ZFYVE9: variants seen among roughly 807,000 people sequenced by gnomAD.
The protein encoded by ZFYVE9 is zinc finger FYVE domain-containing protein 9.
Under a neutral mutation model 126.7 loss-of-function variants are expected in ZFYVE9, and 43 were observed. That is an observed-to-expected ratio of 0.34 (90% CI 0.27 to 0.44). The LOEUF is 0.44. ZFYVE9 is among the 20% of genes least tolerant of loss of function. ZFYVE9 has a pLI of 1.00. For synonymous variants in ZFYVE9, 521 were observed against 597.4 expected (o/e 0.87, Z 1.87); for missense variants, 1,476 against 1,697.0 (o/e 0.87, Z 2.29).
At chr1:52,295,374 T>C (rs1311679173) in intron 11 of ZFYVE9, among the ~76,000 whole-genome samples, 1 of 147,490 alleles carries the variant, frequency 6.8e-6, no homozygotes, top group Non-Finnish European at 1.5e-5. Flanking sequence ...GTTTGTTTGT[T>C]TTGGAGACAG....
intron 13 of ZFYVE9, among the ~76,000 whole-genome samples, chr1:52,318,504 T>C (rs1346676626): frequency 6.6e-6 from 1 of 151,872 alleles, no homozygotes; most frequent in Non-Finnish European, 1.5e-5. Flanking sequence ...GACTGAGTGC[T>C]TCCCCTTTAA....
intron 2 of ZFYVE9, 81 bp downstream of exon 2, chr1:52,216,555 A>G: frequency 2.5e-6 from 1 of 397,584 alleles, no homozygotes; most frequent in Non-Finnish European, 4.4e-6. Context: ...TGATGCATAT[A>G]TGTTACTTGC....
chr1:52,215,030 G>A (rs1403581912), intron 1 of ZFYVE9, among the ~76,000 whole-genome samples: 13 of 152,154 alleles, frequency 8.5e-5, no homozygotes, highest in Admixed American at 7.9e-4. Context: ...TATTTAATTT[G>A]AGTACCCCAT....
chr1:52,266,405 T>TA (rs33996604), intron 5 of ZFYVE9, among the ~76,000 whole-genome samples: 1,197 of 85,630 alleles, frequency 0.014, 15 homozygotes, highest in Non-Finnish European at 0.018. Context: ...TCTAATTCTT[T>TA]AAAAAAAAAA....
chr1:52,237,618 A>G lies in ZFYVE9; in HGVS notation c.201A>G (p.Pro67=). ...CTGCAGTTTCTAATGAGTCACAACC[A>G]CAACTGAAAGTCTTCTCCCTGGCTC... ...NESAVSNESQ[P]QLKVFSLAHS... Residue 67 remains proline (P), a synonymous_variant, in exon 4 of 19, where the codon CCA becomes CCG. Coordinates refer to ENST00000287727, the MANE Select transcript of ZFYVE9 (RefSeq NM_004799.4). 1 of 1,614,102 alleles carries G rather than the reference A, an allele frequency of 6.2e-7. No individual in the cohort carries two copies. Among genetic ancestry groups the G allele is most frequent in the Non-Finnish European group, 8.5e-7 (1 of 1,179,968 alleles).
At chr1:52,143,135 C>T (rs1644276966) in intron 1 of ZFYVE9, among the ~76,000 whole-genome samples, 1 of 152,146 alleles carries the variant, frequency 6.6e-6, no homozygotes, top group Non-Finnish European at 1.5e-5. Context: ...GGTCTGCCCC[C>T]CACACCCCGC....
At position 52,233,232 on chromosome 1, in the gene ZFYVE9, C is replaced by G; in HGVS notation, c.26C>G (p.Ala9Gly). Residue 9 changes from alanine to glycine, a missense_variant, in exon 3 of 19, where the codon GCT becomes GGT. Coordinates refer to ENST00000287727, the MANE Select transcript of ZFYVE9 (RefSeq NM_004799.4). MENYFQAE[A>G]YNLDKVLDEF... ...ATGGAGAATTACTTCCAAGCAGAAG[C>G]TTACAACCTGGACAAGGTGTTAGAT... is the stretch of plus-strand genomic sequence containing the variant. The G allele has an allele frequency of 6.3e-7, 1 of 1,584,106 alleles. No homozygotes were observed. The highest frequency in any genetic ancestry group is 8.6e-7 in the Non-Finnish European group (1 of 1,162,648).
intron 1 of ZFYVE9, among the ~76,000 whole-genome samples, chr1:52,193,133 C>T (rs1273272596): frequency 6.6e-6 from 1 of 151,986 alleles, no homozygotes; most frequent in Non-Finnish European, 1.5e-5. Flanking sequence ...AGGCTGGACT[C>T]CAACTTCTGG....
chr1:52,232,728 CAAAAAAAAAAA>C (rs552213191), intron 2 of ZFYVE9, among the ~76,000 whole-genome samples: 25 of 27,344 alleles, frequency 9.1e-4, no homozygotes, highest in African/African-American at 1.9e-3. Context: ...GACTCTGTCT[CAAAAAAAAAAA>C]AAAAAAAAAA....
At chr1:52,283,733 G>GA (rs1380783490) in intron 10 of ZFYVE9, among the ~76,000 whole-genome samples, 2 of 152,190 alleles carry the variant, frequency 1.3e-5, no homozygotes, top group African/African-American at 4.8e-5. Flanking sequence ...ACTGACTACA[G>GA]AGAGTCCCAG....
intron 10 of ZFYVE9, among the ~76,000 whole-genome samples, chr1:52,292,046 A>G (rs1645925771): frequency 6.6e-6 from 1 of 152,132 alleles, no homozygotes; most frequent in South Asian, 2.1e-4. Context: ...TGGGAGGCCA[A>G]GGCAGATGGA....
chr1:52,204,992 T>G (rs1217983411), intron 1 of ZFYVE9, among the ~76,000 whole-genome samples: 1 of 152,122 alleles, frequency 6.6e-6, no homozygotes, highest in African/African-American at 2.4e-5. Context: ...TGTGGGTTTC[T>G]GCTTAGGTAA....
chr1:52,332,864 G>A lies in ZFYVE9; in HGVS notation c.3535G>A (p.Asp1179Asn). The A allele has an allele frequency of 1.2e-6, 2 of 1,614,168 alleles. No individual in the cohort carries two copies. Among genetic ancestry groups the A allele is most frequent in the Non-Finnish European group, 8.5e-7 (1 of 1,180,022 alleles). ...CTCTCATCTTGTGTGTGTACAGAAT[G>A]ATGATGGAAACTATCAGACCCAGGC... is the stretch of plus-strand genomic sequence containing the variant. The part of the protein sequence containing the change: ...ADSHLVCVQN[D>N]DGNYQTQAIS... The change falls in exon 14 of 19, where the codon GAT (aspartate) becomes AAT (asparagine). Residue 1179 changes from aspartate (D) to asparagine (N), a missense_variant. Asp to Asn is a conservative substitution (Grantham distance 23). This residue lies in a region of ZFYVE9 where 669 missense variants were observed against 902.4 expected (regional missense o/e 0.74). Transcript: ENST00000287727.
At chr1:52,246,535 G>GT (rs560515648) in intron 4 of ZFYVE9, among the ~76,000 whole-genome samples, 3,698 of 136,518 alleles carry the variant, frequency 0.027, 101 homozygotes, top group East Asian at 0.097. Flanking sequence ...TTTTTCCTGG[G>GT]TTTTTTTTTT....
At chr1:52,281,919 G>A in intron 10 of ZFYVE9, 103 bp downstream of exon 10, 3 of 1,355,780 alleles carry the variant, frequency 2.2e-6, no homozygotes, top group Non-Finnish European at 3.1e-6. Flanking sequence ...AAGCATGGCA[G>A]GGGACTTTGA....
intron 2 of ZFYVE9, among the ~76,000 whole-genome samples, chr1:52,223,495 A>G (rs1318922859): frequency 6.6e-6 from 1 of 151,990 alleles, no homozygotes; most frequent in Non-Finnish European, 1.5e-5. Context: ...AAGTTCCTCT[A>G]TGGGATGGTC....
intron 1 of ZFYVE9, among the ~76,000 whole-genome samples, chr1:52,143,516 G>A (rs1644280573): frequency 1.3e-5 from 2 of 152,218 alleles, no homozygotes; most frequent in South Asian, 4.2e-4. Flanking sequence ...TTATAGAAAG[G>A]TACCATGTTG....
chr1:52,176,120 T>C (rs569809332), intron 1 of ZFYVE9, among the ~76,000 whole-genome samples: 4 of 152,236 alleles, frequency 2.6e-5, no homozygotes, highest in Non-Finnish European at 5.9e-5. Flanking sequence ...TCCTCATCTT[T>C]GTAGTTTTAT....
intron 10 of ZFYVE9, among the ~76,000 whole-genome samples, chr1:52,290,706 G>A (rs1039495727): frequency 3.9e-5 from 6 of 152,066 alleles, no homozygotes; most frequent in Non-Finnish European, 5.9e-5. Flanking sequence ...CAGAAAAAAT[G>A]TAAATTTACT....
Sources: gnomAD v4.1 joint callset for allele counts (sites outside exome capture counted in the v4.1 genomes callset) on GRCh38, gnomAD v4.1.1 for gene constraint, gnomAD v4.1.1 regional missense constraint, MANE v1.5 for transcripts, NCBI Gene and HGNC (gene_info 2026-07-23, HGNC 2026-07-21) for gene names.